Variants in TBCA observed in about 807,000 individuals in gnomAD.
The protein encoded by TBCA is tubulin folding cofactor A, also known as tubulin-specific chaperone A.
TBCA carries 6 observed loss-of-function variants against 15.8 expected under a neutral mutation model. That is an observed-to-expected ratio of 0.38 (90% confidence interval 0.21 to 0.75). The LOEUF (loss-of-function observed/expected upper bound fraction) is 0.75. TBCA is among the 30% of genes least tolerant of loss of function. The pLI, the probability that TBCA is intolerant of heterozygous loss-of-function variation, is 0.46. For missense variants in TBCA, 90 were observed against 131.2 expected, an observed-to-expected ratio of 0.69 and a Z score of 1.53; for synonymous variants, 32 against 42.3, an observed-to-expected ratio of 0.76 and a Z score of 0.94.
intron 1 of TBCA, among the ~76,000 whole-genome samples, chr5:77,737,978 T>C (rs1746947866): frequency 6.6e-6 from 1 of 152,222 alleles, no homozygotes; most frequent in Non-Finnish European, 1.5e-5. Flanking sequence ...GGTGCAGTAG[T>C]AAAGCCTTTG....
intron 1 of TBCA, among the ~76,000 whole-genome samples, chr5:77,716,762 G>A (rs1477545786): frequency 6.6e-6 from 1 of 152,192 alleles, no homozygotes; most frequent in Non-Finnish European, 1.5e-5. Context: ...TTCAATTACA[G>A]CAGGCATTGT....
chr5:77,750,633 TAGTA>T (rs1048976371), intron 1 of TBCA, among the ~76,000 whole-genome samples: 12 of 151,986 alleles, frequency 7.9e-5, no homozygotes, highest in African/African-American at 2.9e-4. Flanking sequence ...AAGAAAAAAA[TAGTA>T]AGAGGCACAT....
intron 1 of TBCA, 41 bp from the exon 2 acceptor site, chr5:77,708,388 C>A: frequency 8.2e-7 from 1 of 1,222,574 alleles, no homozygotes; most frequent in South Asian, 1.3e-5. Flanking sequence ...TTAGCTTTCT[C>A]TCCAGACCAT....
At position 77,766,713 on chromosome 5, in the gene TBCA, G is replaced by A. The variant is rs1466573186; in HGVS notation, c.53+9492C>T. ...TTTAGTAGAGACGGGGTTTCACCGTGGTCTCGATCTCCTGACCTCGTGATC... is the reference window on the plus strand; with the variant it reads ...TTTAGTAGAGACGGGGTTTCACCGTAGTCTCGATCTCCTGACCTCGTGATC... On this transcript the variant is annotated intron_variant, in intron 1 of 3. Coordinates refer to ENST00000380377, the MANE Select transcript of TBCA (RefSeq NM_004607.3). Among the ~76,000 whole-genome samples the A allele has an allele frequency of 7.5e-5, 2 of 26,506 alleles. 1 individual carries two copies. Among genetic ancestry groups the A allele is most frequent in the Non-Finnish European group, 1.6e-4 (2 of 12,358 alleles). 17.4% of individuals were successfully genotyped at this position (26,506 alleles called of 152,430 possible).
chr5:77,766,131 A>AAAT (rs747222480), intron 1 of TBCA, among the ~76,000 whole-genome samples: 15 of 151,764 alleles, frequency 9.9e-5, no homozygotes, highest in South Asian at 2.1e-4. Context: ...TTAAGTTGCA[A>AAAT]AATAATAATA....
chr5:77,741,249 T>C (rs1288124789), intron 1 of TBCA, among the ~76,000 whole-genome samples: 1 of 152,214 alleles, frequency 6.6e-6, no homozygotes, highest in Non-Finnish European at 1.5e-5. Flanking sequence ...ATAGAGGTTT[T>C]TGGTGTTGTT....
At chr5:77,775,672 C>T (rs577561421) in intron 1 of TBCA, among the ~76,000 whole-genome samples, 16 of 152,348 alleles carry the variant, frequency 1.1e-4, no homozygotes, top group African/African-American at 3.4e-4. Flanking sequence ...GCTAGAAGTT[C>T]AGGCCCAGTT....
At chr5:77,726,921 T>G (rs1364225166) in intron 1 of TBCA, among the ~76,000 whole-genome samples, 1 of 152,118 alleles carries the variant, frequency 6.6e-6, no homozygotes, top group Admixed American at 6.5e-5. Flanking sequence ...TTGGACCATC[T>G]TATATGCCCA....
In TBCA at chr5:77,732,550, C is replaced by CAAAAAA. The variant is rs35780694; in HGVS notation, c.54-24209_54-24204dup. On this transcript the variant is annotated intron_variant, in intron 1 of 3. Transcript: ENST00000380377. ...TGGGCGACAGAGTGAGACTCTGTCT[C>CAAAAAA]AAAAAAAAAAAAAAAAAAAAAAAAA... 9.5e-4 allele frequency among the ~76,000 whole-genome samples: 85 copies of CAAAAAA among 89,490 alleles called. 2 individuals carry two copies. Among genetic ancestry groups the CAAAAAA allele is most frequent in the African/African-American group, 3.4e-3 (76 of 22,276 alleles). The allele number at this position is 89,490 out of a possible 152,430, so 58.7% of individuals were successfully genotyped here. A position where few individuals can be genotyped will look rare whatever the true frequency, so the allele number is the denominator to read the frequency against.
At chr5:77,693,215 G>A in intron 3 of TBCA, 51 bp downstream of exon 3, 1 of 1,597,674 alleles carries the variant, frequency 6.3e-7, no homozygotes, top group Non-Finnish European at 8.5e-7. Context: ...GGCTTTCCAT[G>A]TATTGGATTG....
intron 1 of TBCA, among the ~76,000 whole-genome samples, chr5:77,739,416 G>A (rs1254391802): frequency 2.0e-5 from 3 of 152,122 alleles, no homozygotes; most frequent in East Asian, 1.9e-4. Flanking sequence ...AGCCAAGATC[G>A]CACCACTGCA....
intron 1 of TBCA, among the ~76,000 whole-genome samples, chr5:77,774,445 C>T (rs969586465): frequency 4.6e-5 from 7 of 152,094 alleles, no homozygotes; most frequent in African/African-American, 1.7e-4. Context: ...TACCTGGAGG[C>T]TTCATCTGCC....
intron 1 of TBCA, among the ~76,000 whole-genome samples, chr5:77,769,769 A>C (rs1202692309): frequency 6.6e-6 from 1 of 152,134 alleles, no homozygotes; most frequent in Non-Finnish European, 1.5e-5. Flanking sequence ...AGCTACATTT[A>C]AACAAGAGTG....
chr5:77,702,987 T>C (rs1269094001), intron 2 of TBCA, among the ~76,000 whole-genome samples: 1 of 152,226 alleles, frequency 6.6e-6, no homozygotes, highest in African/African-American at 2.4e-5. Context: ...CTTTGTTGAC[T>C]GAAGCCTCCT....
chr5:77,692,643 G>C (rs184320883), intron 3 of TBCA: 2 of 984,972 alleles, frequency 2.0e-6, no homozygotes, highest in East Asian at 2.3e-4. Context: ...AGATTCATGA[G>C]AGAAAAAAGC....
chr5:77,708,125 T>C, intron 2 of TBCA, 117 bp downstream of exon 2: 1 of 661,172 alleles, frequency 1.5e-6, no homozygotes, highest in East Asian at 2.9e-5. Flanking sequence ...ATGGAAGTTT[T>C]AATAGTAAAG....
intron 1 of TBCA, among the ~76,000 whole-genome samples, chr5:77,772,170 T>C (rs1167584086): frequency 6.6e-6 from 1 of 151,766 alleles, no homozygotes; most frequent in Non-Finnish European, 1.5e-5. Context: ...TGAAACTAAA[T>C]TTGGAGAGAG....
intron 1 of TBCA, among the ~76,000 whole-genome samples, chr5:77,763,273 T>A (rs1580136746): frequency 1.3e-5 from 2 of 151,824 alleles, no homozygotes; most frequent in Middle Eastern, 6.8e-3. Flanking sequence ...AATAAATAAA[T>A]AAATAAAAAG....
At chr5:77,712,378 G>C (rs1746298679) in intron 1 of TBCA, among the ~76,000 whole-genome samples, 1 of 152,094 alleles carries the variant, frequency 6.6e-6, no homozygotes, top group South Asian at 2.1e-4. Flanking sequence ...TATTAAAATA[G>C]TATTAGTTTT....
Sources: allele counts gnomAD v4.1 joint callset (sites outside exome capture counted in the v4.1 genomes callset), GRCh38; gene constraint gnomAD v4.1.1; transcripts MANE v1.5; gene names NCBI Gene and HGNC (gene_info 2026-07-23, HGNC 2026-07-21).